CTIF: variants seen among roughly 807,000 people sequenced by gnomAD.
The protein encoded by CTIF is cap binding complex dependent translation initiation factor.
Under a neutral mutation model 66.0 loss-of-function variants are expected in CTIF, and 21 were observed. The ratio of observed to expected loss-of-function variants is 0.32; its 90% CI spans 0.23 to 0.46. The LOEUF is 0.46. CTIF is among the 20% of genes least tolerant of loss of function. The probability of loss-of-function intolerance (pLI) is 1.00; values close to 1 mark genes in which losing one functional copy is unlikely to be tolerated. For missense variants in CTIF, 739 were observed against 812.7 expected, an observed-to-expected ratio of 0.91 and a Z score of 1.10; for synonymous variants, 345 against 326.4, an observed-to-expected ratio of 1.06 and a Z score of -0.62.
intron 2 of CTIF, among the ~76,000 whole-genome samples, chr18:48,628,078 G>A (rs1469476737): frequency 2.0e-5 from 3 of 152,222 alleles, no homozygotes; most frequent in Admixed American, 6.5e-5. Flanking sequence ...GTCTAGGTAT[G>A]CTTGGAAAGT....
At chr18:48,615,748 G>T (rs546183050) in intron 1 of CTIF, among the ~76,000 whole-genome samples, 1 of 152,348 alleles carries the variant, frequency 6.6e-6, no homozygotes, top group Admixed American at 6.5e-5. Context: ...GGCATCTCCT[G>T]ACTGCAGAGG....
At chr18:48,758,747 G>T (rs573915542) in intron 8 of CTIF, among the ~76,000 whole-genome samples, 1 of 152,306 alleles carries the variant, frequency 6.6e-6, no homozygotes, top group South Asian at 2.1e-4. Flanking sequence ...CATATTCTAG[G>T]GTTAGATATT....
At chr18:48,765,948 A>G (rs1464892460) in intron 9 of CTIF, among the ~76,000 whole-genome samples, 2 of 131,264 alleles carry the variant, frequency 1.5e-5, no homozygotes, top group Non-Finnish European at 3.2e-5. Context: ...TTATTTTTTA[A>G]TCATTTTTTC....
intron 10 of CTIF, among the ~76,000 whole-genome samples, chr18:48,855,976 G>A (rs1224731661): frequency 6.6e-6 from 1 of 152,178 alleles, no homozygotes; most frequent in Admixed American, 6.5e-5. Flanking sequence ...CTAGATGTGG[G>A]GTCCCTGAGA....
chr18:48,655,429 T>G (rs943641240), intron 3 of CTIF, among the ~76,000 whole-genome samples: 2 of 151,910 alleles, frequency 1.3e-5, no homozygotes, highest in African/African-American at 4.8e-5. Flanking sequence ...AGACCCCCTG[T>G]CCCACAGCTA....
At chr18:48,686,929 A>C (rs1229312640) in intron 6 of CTIF, among the ~76,000 whole-genome samples, 1 of 152,028 alleles carries the variant, frequency 6.6e-6, no homozygotes, top group Admixed American at 6.6e-5. Flanking sequence ...GTTTGTTGAA[A>C]TCTCTTTTCT....
intron 1 of CTIF, among the ~76,000 whole-genome samples, chr18:48,578,436 G>A (rs1018435958): frequency 3.9e-5 from 6 of 152,100 alleles, no homozygotes; most frequent in African/African-American, 1.4e-4. Flanking sequence ...CTTTACAATC[G>A]CTTTAGCAAT....
chr18:48,640,785 A>G (rs970264843), intron 3 of CTIF, among the ~76,000 whole-genome samples: 6 of 152,240 alleles, frequency 3.9e-5, no homozygotes, highest in Admixed American at 1.3e-4. Context: ...ATACACTGGG[A>G]TGATTGATTC....
Sources: gnomAD v4.1 joint callset for allele counts (sites outside exome capture counted in the v4.1 genomes callset) on GRCh38, gnomAD v4.1.1 for gene constraint, MANE v1.5 for transcripts, NCBI Gene and HGNC (gene_info 2026-07-23, HGNC 2026-07-21) for gene names.